Variants in GSG1L2 observed in about 807,000 individuals in gnomAD.
The protein encoded by GSG1L2 is GSG1 like 2.
In GSG1L2, 15 loss-of-function variants were observed where a neutral mutation model predicts 9.0. The observed-to-expected ratio is 1.67, with a 90% CI of 1.12 to 2.57. The LOEUF (loss-of-function observed/expected upper bound fraction) is 2.57. Ranked by LOEUF, GSG1L2 falls within the 30% of genes most tolerant of loss-of-function variation. GSG1L2 has a pLI of 0.00. For synonymous variants in GSG1L2, 127 were observed against 57.9 expected (o/e 2.19, Z -5.41); for missense variants, 286 against 150.3 (o/e 1.90, Z -4.72).
intron 1 of GSG1L2, among the ~76,000 whole-genome samples, chr17:9,816,416 CTGTG>C (rs150644987): frequency 3.8e-5 from 5 of 132,894 alleles, no homozygotes; most frequent in East Asian, 2.2e-4. Flanking sequence ...GTGTGTGTGT[CTGTG>C]TGTGTGCGTG....
Position 9,810,837 on chromosome 17 carries a change from G to A in GSG1L2, c.311-219C>T, listed in dbSNP as rs897394922. On this transcript the variant is annotated intron_variant, in intron 1 of 4. Transcript: ENST00000399363. Reference sequence around the variant, plus strand: ...ACACTCTTTGACCAATGAACTGGGAGCAAAAATGAGGTGGATCTGAGCAGC... The same window carrying A: ...ACACTCTTTGACCAATGAACTGGGAACAAAAATGAGGTGGATCTGAGCAGC... The A allele has an allele frequency of 1.4e-5, 8 of 564,952 alleles. No homozygotes were observed. The Admixed American group carries it at 1.6e-4, about 12-fold the overall frequency. 35.0% of individuals were successfully genotyped at this position (564,952 alleles called of 1,614,324 possible).
At chr17:9,814,955 G>C (rs539056862) in intron 1 of GSG1L2, among the ~76,000 whole-genome samples, 1 of 152,114 alleles carries the variant, frequency 6.6e-6, no homozygotes, top group Non-Finnish European at 1.5e-5. Flanking sequence ...AGAACATTTC[G>C]CGTAAGTGCT....
At chr17:9,808,491 C>G (rs17207766) in intron 3 of GSG1L2, among the ~76,000 whole-genome samples, 10 of 152,166 alleles carry the variant, frequency 6.6e-5, no homozygotes, top group African/African-American at 2.4e-4. Flanking sequence ...ATTAAGGAGA[C>G]GTCTGCAACT....
intron 1 of GSG1L2, among the ~76,000 whole-genome samples, chr17:9,816,772 CGT>C (rs1182169138): frequency 0.018 from 1,164 of 64,694 alleles, 23 homozygotes; most frequent in African/African-American, 0.058. Flanking sequence ...TCTGTGTGTG[CGT>C]GTGTGTCTGT....
In GSG1L2 at chr17:9,816,612, CTGTGT is replaced by C. The variant is rs1567711351; in HGVS notation, c.310+5145_310+5149del. On this transcript the variant is annotated intron_variant, in intron 1 of 4. Transcript: ENST00000399363. Reference sequence around the variant, plus strand: ...TGCGTGTCTGTGTGTCTGTGTGTGTCTGTGTGTCTGTTTTGCATGTCTGTGTGCGT... The same window carrying C: ...TGCGTGTCTGTGTGTCTGTGTGTGTCGTCTGTTTTGCATGTCTGTGTGCGT... 1.1e-4 allele frequency among the ~76,000 whole-genome samples: 4 copies of C among 35,402 alleles called. No homozygotes were observed. The East Asian group carries it at 0.037, about 324-fold the overall frequency. The allele number at this position is 35,402 out of a possible 152,430, so 23.2% of individuals were successfully genotyped here.
intron 2 of GSG1L2, chr17:9,809,266 T>A (rs2066529147): frequency 2.4e-6 from 1 of 412,728 alleles, no homozygotes; most frequent in Non-Finnish European, 4.5e-6. Context: ...GCTGGGGGTC[T>A]CCATGCCCTA....
rs376828036 is a variant in GSG1L2 at position 9,816,454 on chromosome 17, G to C, written c.310+5308C>G. ...TGTGTCTCTCTGTGTGCGTGTGTCTGTGTGTGCGTCCGTGTGCGTGTCTGT... is the reference window on the plus strand; with the variant it reads ...TGTGTCTCTCTGTGTGCGTGTGTCTCTGTGTGCGTCCGTGTGCGTGTCTGT... On this transcript the variant is annotated intron_variant, in intron 1 of 4. Transcript: ENST00000399363. 8.9e-3 allele frequency among the ~76,000 whole-genome samples: 1,244 copies of C among 139,600 alleles called. 26 individuals carry two copies. The highest frequency in any genetic ancestry group is 0.034 in the African/African-American group (1,171 of 34,374). 91.6% of individuals were successfully genotyped at this position (139,600 alleles called of 152,430 possible).
chr17:9,810,867 A>C (rs971934055), intron 1 of GSG1L2: 73 of 532,854 alleles, frequency 1.4e-4, no homozygotes, highest in African/African-American at 1.3e-3. Flanking sequence ...AGCAGCTTTA[A>C]GAGCCAGTGT....
intron 1 of GSG1L2, among the ~76,000 whole-genome samples, chr17:9,817,517 C>T (rs2066572597): frequency 6.6e-6 from 1 of 151,720 alleles, no homozygotes; most frequent in Admixed American, 6.6e-5. Flanking sequence ...CCCCGCCTCC[C>T]AGGTTCAAGC....
intron 1 of GSG1L2, among the ~76,000 whole-genome samples, chr17:9,813,944 C>CT (rs67913736): frequency 0.39 from 59,466 of 150,992 alleles, 13,260 homozygotes; most frequent in East Asian, 0.82. Flanking sequence ...ACAGTTTTTT[C>CT]TGTTTTTTTT....
rs1279591961 is a variant in GSG1L2 at position 9,802,447 on chromosome 17, G to C, written c.821C>G (p.Ala274Gly). 12 of 701,004 alleles carry C rather than the reference G, an allele frequency of 1.7e-5. No homozygotes were observed. In the East Asian group the frequency reaches 3.2e-4, roughly 19 times the overall value. The allele number at this position is 701,004 out of a possible 1,614,324, so 43.4% of individuals were successfully genotyped here. A position where few individuals can be genotyped will look rare whatever the true frequency, so the allele number is the denominator to read the frequency against. The change falls in exon 5 of 5, where the codon GCC becomes GGC. Residue 274 changes from alanine (A) to glycine (G), a missense_variant. Transcript: ENST00000399363. Reference sequence around the variant, plus strand: ...GAGGTGTCCAGAAACATTCCTGAAGGCTTGTTCAGCAGGGCAAGGAGCAGC... The same window carrying C: ...GAGGTGTCCAGAAACATTCCTGAAGCCTTGTTCAGCAGGGCAAGGAGCAGC... ...TGAAPCPAEQ[A>G]FRNVSGHLPP...
intron 3 of GSG1L2, among the ~76,000 whole-genome samples, chr17:9,808,205 T>A (rs1004236384): frequency 6.6e-6 from 1 of 152,072 alleles, no homozygotes; most frequent in Non-Finnish European, 1.5e-5. Flanking sequence ...CTAAAGGAAG[T>A]CATTTGTTCA....
rs909060080 is a variant in GSG1L2, at chr17:9,801,041, A to AT, written c.*1344dup. Among the ~76,000 whole-genome samples, 74 of 151,558 alleles carry AT rather than the reference A, an allele frequency of 4.9e-4. No homozygotes were observed. Among genetic ancestry groups the AT allele is most frequent in the African/African-American group, 1.3e-3 (54 of 41,364 alleles). Reference sequence around the variant, plus strand: ...CGAAGGTAGCTGGATTTTTTTTTTCATTTTTTTTATGACAGTATAAGTGTT... The same window carrying AT: ...CGAAGGTAGCTGGATTTTTTTTTTCATTTTTTTTTATGACAGTATAAGTGTT... On this transcript the variant is annotated 3_prime_UTR_variant, in exon 5 of 5. Transcript: ENST00000399363.
At position 9,807,466 on chromosome 17, in the gene GSG1L2, C is replaced by T. The variant is rs1284319798; in HGVS notation, c.623+24G>A. On this transcript the variant is annotated intron_variant, in intron 4 of 4. Coordinates refer to ENST00000399363, the MANE Select transcript of GSG1L2 (RefSeq NM_001310219.2). ...CATCTCTCCTGATCCTCCAGGACTT[C>T]AGCACCATGACCAAGCAACTTACCA... 4 of 702,588 alleles carry T rather than the reference C, an allele frequency of 5.7e-6. No individual in the cohort carries two copies. In the East Asian group the frequency reaches 1.1e-4, roughly 19 times the overall value. The allele number at this position is 702,588 out of a possible 1,614,324, so 43.5% of individuals were successfully genotyped here.
At chr17:9,821,729 C>T (rs765886691) in intron 1 of GSG1L2, 33 bp downstream of exon 1, 2 of 698,008 alleles carry the variant, frequency 2.9e-6, no homozygotes, top group South Asian at 1.5e-5. Flanking sequence ...CATCCCGCAC[C>T]TGTCTTCCCC....
In GSG1L2 at chr17:9,821,803, A is replaced by C. The variant is rs1567712681; in HGVS notation, c.269T>G (p.Val90Gly). The C allele has an allele frequency of 5.7e-6, 4 of 703,418 alleles. No homozygotes were observed. The highest frequency in any genetic ancestry group is 1.0e-5 in the Non-Finnish European group (4 of 385,114). The allele number at this position is 703,418 out of a possible 1,614,324, so 43.6% of individuals were successfully genotyped here. A position where few individuals can be genotyped will look rare whatever the true frequency, so the allele number is the denominator to read the frequency against. ...DDKFIQRGFHVGLWQSCEESL... is the reference protein window; with the variant it reads ...DDKFIQRGFHGGLWQSCEESL... The stretch of plus-strand genomic sequence containing the variant: ...CTCCTCGCAGGACTGCCAGAGCCCC[A>C]CATGGAACCCCCGCTGAATGAACTT... Residue 90 changes from valine to glycine, a missense_variant, in exon 1 of 5, where the codon GTG becomes GGG. Coordinates refer to ENST00000399363, the MANE Select transcript of GSG1L2 (RefSeq NM_001310219.2).
intron 1 of GSG1L2, among the ~76,000 whole-genome samples, chr17:9,818,929 C>G (rs1407514671): frequency 6.6e-6 from 1 of 152,170 alleles, no homozygotes; most frequent in Non-Finnish European, 1.5e-5. Flanking sequence ...GCTCTCAGCA[C>G]TGGGGCTTAC....
chr17:9,810,666 C>T (rs1567709927), intron 1 of GSG1L2, 48 bp from the exon 2 acceptor site: 3 of 702,524 alleles, frequency 4.3e-6, no homozygotes, highest in Non-Finnish European at 2.6e-6. Context: ...ACTTCACAAC[C>T]AGGGGGCAAA....
Position 9,802,390 on chromosome 17 carries a change from C to A in GSG1L2, c.878G>T (p.Cys293Phe). Residue 293 changes from cysteine (C) to phenylalanine (F), a missense_variant, in exon 5 of 5, where the codon TGC becomes TTC. Physicochemically the swap from Cys to Phe is radical, Grantham distance 205. Coordinates refer to ENST00000399363, the MANE Select transcript of GSG1L2 (RefSeq NM_001310219.2). ...PPGAPGKVSI[C>F] ...TGTGGCAGCCATGGACACTGGCTAG[C>A]ATATGGACACCTTGCCTGGGGCGCC... 1.5e-6 allele frequency: 1 copy of A among 661,216 alleles called. No individual in the cohort carries two copies. The highest frequency in any genetic ancestry group is 1.7e-5 in the South Asian group (1 of 60,214). 41.0% of individuals were successfully genotyped at this position (661,216 alleles called of 1,614,324 possible).
Sources: allele counts gnomAD v4.1 joint callset (sites outside exome capture counted in the v4.1 genomes callset), GRCh38; gene constraint gnomAD v4.1.1; transcripts MANE v1.5; gene names NCBI Gene and HGNC (gene_info 2026-07-23, HGNC 2026-07-21).